The following EXOC4 variants were observed in gnomAD, a reference collection of about 807,000 sequenced individuals.
The protein encoded by EXOC4 is exocyst complex component 4.
A neutral mutation model predicts 107.2 loss-of-function variants in EXOC4; 71 were observed. That is an observed-to-expected ratio of 0.66 (90% CI 0.55 to 0.81). The LOEUF (loss-of-function observed/expected upper bound fraction) is 0.81, where lower values mean the gene tolerates loss of function less well. EXOC4 is among the 30% of genes least tolerant of loss of function. EXOC4 has a pLI of 0.00. For missense variants in EXOC4, 1,108 were observed against 1,189.6 expected, an observed-to-expected ratio of 0.93 and a Z score of 1.01; for synonymous variants, 456 against 441.2, an observed-to-expected ratio of 1.03 and a Z score of -0.42.
chr7:133,490,570 CACA>C (rs1454988055), intron 9 of EXOC4, among the ~76,000 whole-genome samples: 9 of 152,162 alleles, frequency 5.9e-5, no homozygotes, highest in Non-Finnish European at 1.3e-4. Context: ...ATCAGAGTTT[CACA>C]ACATGAATCG....
At position 134,005,092 on chromosome 7, in the gene EXOC4, T is replaced by TCAG; in HGVS notation, c.2527+3_2527+5dup. The TCAG allele has an allele frequency of 6.2e-7, 1 of 1,610,930 alleles. No homozygotes were observed. Among genetic ancestry groups the TCAG allele is most frequent in the East Asian group, 2.2e-5 (1 of 44,840 alleles). On this transcript the variant is annotated splice_region_variant and intron_variant, in intron 16 of 17. Coordinates refer to ENST00000253861, the MANE Select transcript of EXOC4 (RefSeq NM_021807.4). The stretch of plus-strand genomic sequence containing the variant: ...ACAAGTTCCAGTATATCTTCGAAGG[T>TCAG]CAGACCCTGCTTCTGTCTCTGGGAG...
intron 11 of EXOC4, among the ~76,000 whole-genome samples, chr7:133,825,184 TAAA>T (rs80191281): frequency 7.4e-6 from 1 of 135,266 alleles, no homozygotes. Context: ...CAACTGTCTC[TAAA>T]AAAAAAAAAA....
At chr7:133,339,236 TTG>T (rs779486644) in intron 5 of EXOC4, among the ~76,000 whole-genome samples, 1 of 151,876 alleles carries the variant, frequency 6.6e-6, no homozygotes, top group African/African-American at 2.4e-5. Flanking sequence ...TTCCATGGTT[TTG>T]TGTGTGTGTG....
intron 9 of EXOC4, among the ~76,000 whole-genome samples, chr7:133,556,842 G>A (rs149739140): frequency 5.7e-4 from 87 of 152,246 alleles, no homozygotes; most frequent in African/African-American, 2.0e-3. Flanking sequence ...CTTAGATGTA[G>A]GTATGAAAAG....
chr7:134,026,738 GA>G (rs1422699738), intron 17 of EXOC4, among the ~76,000 whole-genome samples: 2 of 152,148 alleles, frequency 1.3e-5, no homozygotes, highest in Non-Finnish European at 2.9e-5. Flanking sequence ...AAAGTGGGTT[GA>G]AATCGTTAGA....
At chr7:133,704,666 G>A (rs1268539104) in intron 10 of EXOC4, among the ~76,000 whole-genome samples, 1 of 152,208 alleles carries the variant, frequency 6.6e-6, no homozygotes, top group Non-Finnish European at 1.5e-5. Context: ...GCTTTTATGG[G>A]AGGGATCCGG....
intron 7 of EXOC4, among the ~76,000 whole-genome samples, chr7:133,376,004 A>G (rs1355545708): frequency 1.3e-5 from 2 of 152,206 alleles, no homozygotes; most frequent in Admixed American, 6.5e-5. Flanking sequence ...AAAATTAAGT[A>G]TATGTGGGGA....
Position 133,583,947 on chromosome 7 carries a change from C to G in EXOC4, c.1418-46098C>G, listed in dbSNP as rs1801336422. Among the ~76,000 whole-genome samples, 4 of 152,144 alleles carry G rather than the reference C, an allele frequency of 2.6e-5. No homozygotes were observed. The South Asian group carries it at 6.2e-4, about 24-fold the overall frequency. ...GGTTGCTTTAGTTAGAGATAACGAACTGTGGCTGTGTCTGGAGGATAGTGA... is the reference window on the plus strand; with the variant it reads ...GGTTGCTTTAGTTAGAGATAACGAAGTGTGGCTGTGTCTGGAGGATAGTGA... On this transcript the variant is annotated intron_variant, in intron 9 of 17. Coordinates refer to ENST00000253861, the MANE Select transcript of EXOC4 (RefSeq NM_021807.4).
At chr7:133,778,732 G>T (rs566824730) in intron 10 of EXOC4, among the ~76,000 whole-genome samples, 27 of 152,218 alleles carry the variant, frequency 1.8e-4, no homozygotes, top group Non-Finnish European at 3.2e-4. Context: ...TCATACAGAA[G>T]AAACAATGCT....
intron 13 of EXOC4, among the ~76,000 whole-genome samples, chr7:133,919,581 A>G (rs1015634060): frequency 2.0e-5 from 3 of 152,032 alleles, no homozygotes; most frequent in Non-Finnish European, 2.9e-5. Context: ...TGATCTTTTT[A>G]TTGTCTCCAT....
chr7:133,831,231 G>A (rs1292297844), intron 11 of EXOC4, among the ~76,000 whole-genome samples: 2 of 152,138 alleles, frequency 1.3e-5, no homozygotes, highest in Admixed American at 6.5e-5. Context: ...CCAAAGTGCT[G>A]GGATTACAGG....
At chr7:133,502,297 C>A (rs887141435) in intron 9 of EXOC4, among the ~76,000 whole-genome samples, 3 of 152,072 alleles carry the variant, frequency 2.0e-5, no homozygotes, top group African/African-American at 7.2e-5. Context: ...CTTTGGTGGC[C>A]TATTTGCTAT....
chr7:133,628,680 A>G (rs2151013488), intron 9 of EXOC4, among the ~76,000 whole-genome samples: 1 of 152,334 alleles, frequency 6.6e-6, no homozygotes, highest in East Asian at 1.9e-4. Context: ...GTGGCTGCCT[A>G]CTGGAAACCA....
chr7:133,772,660 G>A (rs1796268462), intron 10 of EXOC4, among the ~76,000 whole-genome samples: 1 of 152,038 alleles, frequency 6.6e-6, no homozygotes, highest in African/African-American at 2.4e-5. Flanking sequence ...AAGCCATGAG[G>A]TAGAAACCAT....
At chr7:133,577,386 TTC>T (rs1268065958) in intron 9 of EXOC4, among the ~76,000 whole-genome samples, 1 of 152,220 alleles carries the variant, frequency 6.6e-6, no homozygotes, top group Non-Finnish European at 1.5e-5. Flanking sequence ...TCAATTTTCG[TTC>T]TCTTTCTTCT....
At chr7:133,505,732 A>G (rs1799654488) in intron 9 of EXOC4, among the ~76,000 whole-genome samples, 1 of 152,170 alleles carries the variant, frequency 6.6e-6, no homozygotes, top group African/African-American at 2.4e-5. Context: ...ATGTAACACA[A>G]GCTTAATAGT....
chr7:133,401,665 GA>G (rs1027295477), intron 7 of EXOC4, among the ~76,000 whole-genome samples: 5 of 142,570 alleles, frequency 3.5e-5, no homozygotes, highest in South Asian at 2.3e-4. Flanking sequence ...AAAAAAAAAA[GA>G]AAAAAAAGAT....
intron 13 of EXOC4, among the ~76,000 whole-genome samples, chr7:133,926,598 C>T (rs142141847): frequency 0.012 from 1,751 of 152,172 alleles, 29 homozygotes; most frequent in African/African-American, 0.04. Flanking sequence ...TTTAAAACTG[C>T]TTGTCTTATT....
At chr7:133,318,813 C>G (rs1230314980) in intron 5 of EXOC4, among the ~76,000 whole-genome samples, 1 of 152,050 alleles carries the variant, frequency 6.6e-6, no homozygotes, top group Non-Finnish European at 1.5e-5. Flanking sequence ...AATAGATTTT[C>G]CTTTGTTTAA....
Sources: allele counts gnomAD v4.1 joint callset (sites outside exome capture counted in the v4.1 genomes callset), GRCh38; gene constraint gnomAD v4.1.1; transcripts MANE v1.5; gene names NCBI Gene and HGNC (gene_info 2026-07-23, HGNC 2026-07-21).